BUB3: variants seen among roughly 807,000 people sequenced by gnomAD.
The protein encoded by BUB3 is BUB3 mitotic checkpoint protein.
BUB3 carries 22 observed loss-of-function variants against 39.9 expected under a neutral mutation model. That is an observed-to-expected ratio of 0.55 (90% CI 0.39 to 0.79). BUB3 has a LOEUF of 0.79. Among genes scored for constraint, BUB3 ranks in the 30% least tolerant of loss-of-function variants. BUB3 has a pLI of 0.00. For missense variants in BUB3, 303 were observed against 415.4 expected (o/e 0.73, Z 2.35); for synonymous variants, 168 against 155.1 (o/e 1.08, Z -0.62).
chr10:123,155,109 C>T lies in BUB3; in HGVS notation c.192C>T (p.Phe64=), dbSNP rs1430414916. ...CCGGCGCCGTCCTGGACTGCGCCTTCTACGTAGGTGCCCTCCCGCCCTGCT... is the reference window on the plus strand; with the variant it reads ...CCGGCGCCGTCCTGGACTGCGCCTTTTACGTAGGTGCCCTCCCGCCCTGCT... ...QHTGAVLDCA[F]YDPTHAWSGG... The change falls in exon 2 of 8, where the codon TTC becomes TTT. Residue 64 remains phenylalanine, a synonymous_variant. Transcript: ENST00000368865. The T allele has an allele frequency of 6.2e-7, 1 of 1,613,434 alleles. No individual in the cohort carries two copies. The highest frequency in any genetic ancestry group is 8.5e-7 in the Non-Finnish European group (1 of 1,179,792).
Position 123,167,615 on chromosome 10 carries a change from T to C in BUB3, c.*3780T>C, listed in dbSNP as rs1844507806. ...TAATTTGAAATATAATTTTGGAGTATAGACATCTTGTCCAGTGCACTAGAC... is the reference window on the plus strand; with the variant it reads ...TAATTTGAAATATAATTTTGGAGTACAGACATCTTGTCCAGTGCACTAGAC... On this transcript the variant is annotated 3_prime_UTR_variant, in exon 8 of 8. Coordinates refer to ENST00000368865, the MANE Select transcript of BUB3 (RefSeq NM_004725.4). The C allele has an allele frequency of 6.6e-6, 1 of 152,204 alleles. No homozygotes were observed. The highest frequency in any genetic ancestry group is 1.5e-5 in the Non-Finnish European group (1 of 68,042). 9.4% of individuals were successfully genotyped at this position (152,204 alleles called of 1,614,324 possible). A position where few individuals can be genotyped will look rare whatever the true frequency, so the allele number is the denominator to read the frequency against.
chr10:123,156,439 G>A (rs1163171909), intron 3 of BUB3, among the ~76,000 whole-genome samples: 2 of 152,210 alleles, frequency 1.3e-5, no homozygotes, highest in African/African-American at 4.8e-5. Flanking sequence ...GAGAAGATGA[G>A]TTGAGCAACA....
rs1397747137 is a variant in BUB3 at position 123,162,293 on chromosome 10, C to T, written c.634C>T (p.Pro212Ser). ...RVAVEYLDPS[P>S]EVQKKKYAFK... ...GGCAGTTGAGTATTTGGACCCAAGC[C>T]CTGAGGTACAGAAGAAGAAGTATGC... is the stretch of plus-strand genomic sequence containing the variant. The change falls in exon 6 of 8, where the codon CCT becomes TCT. Residue 212 changes from proline to serine, a missense_variant. Around this residue, in one of 2 missense-constraint regions of BUB3, gnomAD observed 182 missense variants for 293.1 expected, o/e 0.62. Coordinates refer to ENST00000368865, the MANE Select transcript of BUB3 (RefSeq NM_004725.4). 6.2e-7 allele frequency: 1 copy of T among 1,613,892 alleles called. No homozygotes were observed. The highest frequency in any genetic ancestry group is 1.3e-5 in the African/African-American group (1 of 74,844).
intron 5 of BUB3, among the ~76,000 whole-genome samples, chr10:123,161,698 C>T (rs149919365): frequency 1.2e-3 from 188 of 152,224 alleles, no homozygotes; most frequent in African/African-American, 4.4e-3. Context: ...GATGAAAAAA[C>T]GTTTAAAATT....
chr10:123,166,979 T>C lies in BUB3; in HGVS notation c.*3144T>C, dbSNP rs1402345066. The C allele has an allele frequency of 6.6e-6, 1 of 152,272 alleles. No homozygotes were observed. Among genetic ancestry groups the C allele is most frequent in the Admixed American group, 6.5e-5 (1 of 15,286 alleles). The allele number at this position is 152,272 out of a possible 1,614,324, so 9.4% of individuals were successfully genotyped here. Reference sequence around the variant, plus strand: ...AAACTCCTGCTTTGCCAAAGGTATCTTCTATACCCTAATAACACTAGCTTC... The same window carrying C: ...AAACTCCTGCTTTGCCAAAGGTATCCTCTATACCCTAATAACACTAGCTTC... On this transcript the variant is annotated 3_prime_UTR_variant, in exon 8 of 8. Coordinates refer to ENST00000368865, the MANE Select transcript of BUB3 (RefSeq NM_004725.4).
rs1430896889 is a variant in BUB3, at chr10:123,154,859, T to C, written c.1-59T>C. 3.2e-6 allele frequency: 5 copies of C among 1,542,644 alleles called. No homozygotes were observed. In the African/African-American group the frequency reaches 5.5e-5, roughly 17 times the overall value. ...TCTGGGGGGACCCCCAGTGCCAGGC[T>C]GTCAGTGCGCAGCCCCAGCCCGCGG... On this transcript the variant is annotated intron_variant, in intron 1 of 7. Transcript: ENST00000368865.
Position 123,154,984 on chromosome 10 carries a change from A to T in BUB3, c.67A>T (p.Ser23Cys), listed in dbSNP as rs766721904. ...PEDGISSVKF[S>C]PNTSQFLLVS... The stretch of plus-strand genomic sequence containing the variant: ...GGATGGCATCTCCTCCGTGAAGTTC[A>T]GCCCCAACACCTCCCAGTTCCTGCT... The change falls in exon 2 of 8, where the codon AGC becomes TGC. Residue 23 changes from serine (S) to cysteine (C), a missense_variant. Ser to Cys is a moderately radical substitution (Grantham distance 112, BLOSUM62 -1). This residue lies in a region of BUB3 where 121 missense variants were observed against 122.3 expected (regional missense o/e 0.99). Coordinates refer to ENST00000368865, the MANE Select transcript of BUB3 (RefSeq NM_004725.4). 13 of 1,614,014 alleles carry T rather than the reference A, an allele frequency of 8.1e-6. No homozygotes were observed. Among genetic ancestry groups the T allele is most frequent in the Non-Finnish European group, 1.1e-5 (13 of 1,180,028 alleles).
rs1248117901 is a variant in BUB3, at chr10:123,170,386, A to G, written c.*6551A>G. 6.6e-6 allele frequency: 1 copy of G among 152,194 alleles called. No individual in the cohort carries two copies. Among genetic ancestry groups the G allele is most frequent in the African/African-American group, 2.4e-5 (1 of 41,452 alleles). 9.4% of individuals were successfully genotyped at this position (152,194 alleles called of 1,614,324 possible). ...TTCAGAAAAACTCAGGATCATACCC[A>G]TAAACCCACTGTTTAGATTTTAAAA... On this transcript the variant is annotated 3_prime_UTR_variant, in exon 8 of 8. Coordinates refer to ENST00000368865, the MANE Select transcript of BUB3 (RefSeq NM_004725.4).
intron 7 of BUB3, 23 bp from the exon 8 acceptor site, chr10:123,163,797 C>T: frequency 6.3e-7 from 1 of 1,596,950 alleles, no homozygotes; most frequent in South Asian, 1.1e-5. Context: ...TCATGCTGTT[C>T]TTTTTTTCTT....
rs756642442 is a variant in BUB3 at position 123,156,753 on chromosome 10, G to GTTTTTTTTTTTTTTTTT, written c.266-965_266-964insTTTTTTTTTTTTTTTTT. On this transcript the variant is annotated intron_variant, in intron 3 of 7. Coordinates refer to ENST00000368865, the MANE Select transcript of BUB3 (RefSeq NM_004725.4). ...ATGAAATCCTTTCTTTTTCTTTCTT[G>GTTTTTTTTTTTTTTTTT]TTTTTTTTTTTGAGCTAGAGTCTCA... 5.4e-3 allele frequency among the ~76,000 whole-genome samples: 721 copies of GTTTTTTTTTTTTTTTTT among 134,724 alleles called. 58 individuals carry two copies. In the East Asian group the frequency reaches 0.082, roughly 15 times the overall value. 88.4% of individuals were successfully genotyped at this position (134,724 alleles called of 152,430 possible). A position where few individuals can be genotyped will look rare whatever the true frequency, so the allele number is the denominator to read the frequency against.
At position 123,169,369 on chromosome 10, in the gene BUB3, G is replaced by T. The variant is rs1844525776; in HGVS notation, c.*5534G>T. The stretch of plus-strand genomic sequence containing the variant: ...ACCTAGTTAGAATTTGATTATTTGA[G>T]CAACTATTTAGTGCCTGTGATGTGC... On this transcript the variant is annotated 3_prime_UTR_variant, in exon 8 of 8. Transcript: ENST00000368865. The T allele has an allele frequency of 6.6e-6, 1 of 152,160 alleles. No homozygotes were observed. The highest frequency in any genetic ancestry group is 2.4e-5 in the African/African-American group (1 of 41,436). The allele number at this position is 152,160 out of a possible 1,614,324, so 9.4% of individuals were successfully genotyped here.
chr10:123,164,564 T>A lies in BUB3; in HGVS notation c.*729T>A. On this transcript the variant is annotated 3_prime_UTR_variant, in exon 8 of 8. Transcript: ENST00000368865. ...TGAGAAAAGACAGAGCATATCTGTG[T>A]ATTTGGAAAAATAATTGTAACGTAA... 1.0e-6 allele frequency: 1 copy of A among 987,234 alleles called. No homozygotes were observed. The highest frequency in any genetic ancestry group is 1.2e-6 in the Non-Finnish European group (1 of 831,152). The allele number at this position is 987,234 out of a possible 1,614,324, so 61.2% of individuals were successfully genotyped here.
In BUB3 at chr10:123,157,776, T is replaced by C; in HGVS notation, c.313T>C (p.Cys105Arg). ...HDAPIRCVEY[C>R]PEVNVMVTGS... ...TGCCCCTATCAGATGTGTTGAATAC[T>C]GTCCAGAAGTGAATGTGATGGTCAC... Residue 105 changes from cysteine to arginine, a missense_variant, in exon 4 of 8, where the codon TGT becomes CGT. Physicochemically the swap from Cys to Arg is radical, Grantham distance 180. Transcript: ENST00000368865. 6.2e-7 allele frequency: 1 copy of C among 1,613,390 alleles called. No individual in the cohort carries two copies. Among genetic ancestry groups the C allele is most frequent in the Non-Finnish European group, 8.5e-7 (1 of 1,179,598 alleles).
chr10:123,159,121 T>G (rs780128140), intron 4 of BUB3, among the ~76,000 whole-genome samples: 4 of 152,252 alleles, frequency 2.6e-5, no homozygotes, highest in Non-Finnish European at 5.9e-5. Flanking sequence ...ATGATAAATC[T>G]TAACATTTCT....
Position 123,162,727 on chromosome 10 carries a change from G to A in BUB3, c.870G>A (p.Thr290=). The A allele has an allele frequency of 1.9e-6, 3 of 1,613,942 alleles. No homozygotes were observed. The highest frequency in any genetic ancestry group is 1.3e-5 in the African/African-American group (1 of 75,030). ...TTGCCTTCAGTAATGATGGGACTAC[G>A]CTTGCAATAGCGTCATCATATATGT... ...ASLAFSNDGT[T]LAIASSYMYE... Residue 290 remains threonine, a synonymous_variant, in exon 7 of 8, where the codon ACG becomes ACA. Coordinates refer to ENST00000368865, the MANE Select transcript of BUB3 (RefSeq NM_004725.4).
chr10:123,154,815 C>G, intron 1 of BUB3, 103 bp from the exon 2 acceptor site: 1 of 1,259,248 alleles, frequency 7.9e-7, no homozygotes, highest in South Asian at 1.4e-5. Flanking sequence ...TCCTCGCGGT[C>G]GTCCTCTCGG....
At chr10:123,156,040 G>A (rs891339279) in intron 3 of BUB3, among the ~76,000 whole-genome samples, 6 of 152,124 alleles carry the variant, frequency 3.9e-5, no homozygotes, top group Non-Finnish European at 7.3e-5. Context: ...CGTTTCATTA[G>A]GATTTTCCAC....
chr10:123,161,563 A>G (rs1844424487), intron 5 of BUB3, among the ~76,000 whole-genome samples: 1 of 152,000 alleles, frequency 6.6e-6, no homozygotes. Flanking sequence ...TTACTGACTT[A>G]TATATTTCTT....
chr10:123,163,151 T>C, intron 7 of BUB3: 1 of 273,806 alleles, frequency 3.7e-6, no homozygotes, highest in Non-Finnish European at 6.8e-6. Flanking sequence ...GAATAATTTA[T>C]TTTAGTAAAT....
Sources: allele counts gnomAD v4.1 joint callset (sites outside exome capture counted in the v4.1 genomes callset), GRCh38; gene constraint gnomAD v4.1.1; regional missense constraint gnomAD v4.1.1; transcripts MANE v1.5; gene names NCBI Gene and HGNC (gene_info 2026-07-23, HGNC 2026-07-21).